PIGV: variants seen among roughly 807,000 people sequenced by gnomAD.
The protein encoded by PIGV is phosphatidylinositol glycan anchor biosynthesis class V, also known as GPI alpha-1,6-mannosyltransferase 2.
A neutral mutation model predicts 39.2 loss-of-function variants in PIGV; 27 were observed. The ratio of observed to expected loss-of-function variants is 0.69; its 90% CI spans 0.51 to 0.95. The LOEUF is 0.95. PIGV is among the 40% of genes least tolerant of loss of function. PIGV has a pLI of 0.00. For missense variants in PIGV, 523 were observed against 586.4 expected (o/e 0.89, Z 1.12); for synonymous variants, 232 against 241.7 (o/e 0.96, Z 0.37).
chr1:26,794,402 A>G lies in PIGV; in HGVS notation c.368A>G (p.Asn123Ser), dbSNP rs1267164610. ...CTGCTGATTTCGGTAGCATCACTCA[A>G]TTTCTTGTTCTTCATGTTGGCTGCA... ...SCLLISVASL[N>S]FLFFMLAAVA... Residue 123 changes from asparagine (N) to serine (S), a missense_variant, in exon 3 of 4, where the codon AAT becomes AGT. Asn to Ser is a conservative substitution (Grantham distance 46). Transcript: ENST00000674202. The G allele has an allele frequency of 1.2e-6, 2 of 1,614,074 alleles. No homozygotes were observed. Among genetic ancestry groups the G allele is most frequent in the Admixed American group, 1.7e-5 (1 of 60,024 alleles).
intron 2 of PIGV, among the ~76,000 whole-genome samples, chr1:26,791,347 A>G (rs115933020): frequency 0.011 from 1,613 of 152,254 alleles, 33 homozygotes; most frequent in African/African-American, 0.036. Flanking sequence ...CCATCTGGAT[A>G]TGTAATAGTT....
rs369730384 is a variant in PIGV at position 26,790,189 on chromosome 1, T to C, written c.-57-570T>C. On this transcript the variant is annotated intron_variant, in intron 1 of 3. Transcript: ENST00000674202. Reference sequence around the variant, plus strand: ...CACACATCAGAGAGCTAAGCTAGAGTGTGGAGTCATTATGGTCTTCTAGTA... The same window carrying C: ...CACACATCAGAGAGCTAAGCTAGAGCGTGGAGTCATTATGGTCTTCTAGTA... 1.6e-4 allele frequency among the ~76,000 whole-genome samples: 24 copies of C among 152,150 alleles called. No homozygotes were observed. In the South Asian group the frequency reaches 2.5e-3, roughly 16 times the overall value.
chr1:26,798,887 GT>G lies in PIGV; in HGVS notation c.*1047del, dbSNP rs1464065290. ...TTTACCAGCCATGTGACTTGGGAGAGTTTTCAGAACCTTAGTTACCACCTCT... is the reference window on the plus strand; with the variant it reads ...TTTACCAGCCATGTGACTTGGGAGAGTTTCAGAACCTTAGTTACCACCTCT... On this transcript the variant is annotated 3_prime_UTR_variant, in exon 4 of 4. Coordinates refer to ENST00000674202, the MANE Select transcript of PIGV (RefSeq NM_017837.4). Among the ~76,000 whole-genome samples, 1 of 152,164 alleles carries G rather than the reference GT, an allele frequency of 6.6e-6. No individual in the cohort carries two copies. The highest frequency in any genetic ancestry group is 1.5e-5 in the Non-Finnish European group (1 of 68,034).
At chr1:26,796,516 T>A (rs945226976) in intron 3 of PIGV, among the ~76,000 whole-genome samples, 1 of 151,984 alleles carries the variant, frequency 6.6e-6, no homozygotes, top group Non-Finnish European at 1.5e-5. Context: ...GGCGAAGAAG[T>A]AGGTAACTCA....
chr1:26,790,108 C>T (rs1475068647), intron 1 of PIGV, among the ~76,000 whole-genome samples: 2 of 152,220 alleles, frequency 1.3e-5, no homozygotes, highest in Non-Finnish European at 2.9e-5. Flanking sequence ...TGGCTGAGGT[C>T]CTGCTGAGTG....
At position 26,794,591 on chromosome 1, in the gene PIGV, G is replaced by A. The variant is rs1340002703; in HGVS notation, c.557G>A (p.Arg186Lys). 2 of 1,614,134 alleles carry A rather than the reference G, an allele frequency of 1.2e-6. No individual in the cohort carries two copies. Among genetic ancestry groups the A allele is most frequent in the Non-Finnish European group, 1.7e-6 (2 of 1,180,056 alleles). ...LTFSAMGQLE[R>K]GRVWTSVLLF... ...TTCAGTGCCATGGGGCAGCTGGAGAGGGGCCGAGTCTGGACTAGTGTACTC... is the reference window on the plus strand; with the variant it reads ...TTCAGTGCCATGGGGCAGCTGGAGAAGGGCCGAGTCTGGACTAGTGTACTC... The change falls in exon 3 of 4, where the codon AGG becomes AAG. Residue 186 changes from arginine (R) to lysine (K), a missense_variant. By Grantham distance (26) the Arg-to-Lys change is conservative. Transcript: ENST00000674202.
Position 26,795,101 on chromosome 1 carries a change from T to G in PIGV, c.1067T>G (p.Leu356Arg), listed in dbSNP as rs988022455. The change falls in exon 3 of 4, where the codon CTT becomes CGT. Residue 356 changes from leucine (L) to arginine (R), a missense_variant. Transcript: ENST00000674202. Reference protein sequence around the residue: ...VTTHPWLCLTLGLQRSKNNKT... With the variant: ...VTTHPWLCLTRGLQRSKNNKT... ...ACTCACCCTTGGCTCTGCCTTACAC[T>G]TGGGCTGCAAAGGAGCAAGAACAAT... The G allele has an allele frequency of 8.1e-6, 13 of 1,614,018 alleles. No individual in the cohort carries two copies. In the African/African-American group the frequency reaches 1.5e-4, roughly 18 times the overall value.
intron 2 of PIGV, among the ~76,000 whole-genome samples, chr1:26,793,542 G>T (rs745782259): frequency 1.2e-4 from 19 of 152,024 alleles, no homozygotes; most frequent in Non-Finnish European, 2.6e-4. Flanking sequence ...CTTTATTGCT[G>T]GATTTTCATC....
In PIGV at chr1:26,792,774, G is replaced by T. The variant is rs1057188608; in HGVS notation, c.79-1339G>T. On this transcript the variant is annotated intron_variant, in intron 2 of 3. Coordinates refer to ENST00000674202, the MANE Select transcript of PIGV (RefSeq NM_017837.4). ...CTAATCCTTGACGGTTTTGGCTCCT[G>T]GTTCACTGTCACTCTTCCCAGCACT... 2.0e-5 allele frequency among the ~76,000 whole-genome samples: 3 copies of T among 152,270 alleles called. No individual in the cohort carries two copies. In the South Asian group the frequency reaches 6.2e-4, roughly 32 times the overall value.
intron 1 of PIGV, among the ~76,000 whole-genome samples, chr1:26,789,908 G>C (rs2081288955): frequency 1.3e-5 from 2 of 152,122 alleles, no homozygotes; most frequent in Non-Finnish European, 1.5e-5. Context: ...AAGTTCTTGA[G>C]GAGCCTTTAT....
Position 26,799,180 on chromosome 1 carries a change from G to A in PIGV, c.*1336G>A, listed in dbSNP as rs538005679. ...TCTTTCCTTTCAATGAGGGAAAGCA[G>A]TAACATCTGGCAGATAAGGTGCCTG... On this transcript the variant is annotated 3_prime_UTR_variant, in exon 4 of 4. Coordinates refer to ENST00000674202, the MANE Select transcript of PIGV (RefSeq NM_017837.4). Among the ~76,000 whole-genome samples the A allele has an allele frequency of 2.0e-4, 30 of 152,320 alleles. No homozygotes were observed. Among genetic ancestry groups the A allele is most frequent in the African/African-American group, 6.7e-4 (28 of 41,562 alleles).
At position 26,795,327 on chromosome 1, in the gene PIGV, T is replaced by G. The variant is rs929319448; in HGVS notation, c.1200+93T>G. The G allele has an allele frequency of 2.0e-5, 28 of 1,377,144 alleles. No individual in the cohort carries two copies. In the African/African-American group the frequency reaches 2.4e-4, roughly 12 times the overall value. 85.3% of individuals were successfully genotyped at this position (1,377,144 alleles called of 1,614,324 possible). ...AGGCAGCTAACATCTCCCGTTTGAG[T>G]GATCCATACTGAATTTATTCATTCA... is the stretch of plus-strand genomic sequence containing the variant. On this transcript the variant is annotated intron_variant, in intron 3 of 3. Transcript: ENST00000674202.
rs761952861 is a variant in PIGV, at chr1:26,795,180, C to T, written c.1146C>T (p.Tyr382=). ...TCCTCAGTCCTCAGGTGTTTGTGTA[C>T]GTGGTCCACGCTGCAGTGCTGCTGC... is the stretch of plus-strand genomic sequence containing the variant. The part of the protein sequence containing the change: ...LGFLSPQVFV[Y]VVHAAVLLLF... Residue 382 remains tyrosine, a synonymous_variant, in exon 3 of 4, where the codon TAC becomes TAT. Transcript: ENST00000674202. The T allele has an allele frequency of 3.1e-6, 5 of 1,613,824 alleles. No homozygotes were observed. The South Asian group carries it at 3.3e-5, about 11-fold the overall frequency.
At position 26,797,601 on chromosome 1, in the gene PIGV, G is replaced by A. The variant is rs1335917148; in HGVS notation, c.1239G>A (p.Met413Ile). The change falls in exon 4 of 4, where the codon ATG becomes ATA. Residue 413 changes from methionine (M) to isoleucine (I), a missense_variant. Transcript: ENST00000674202. ...TTTTGGGCTCCTCCACTCCTATTATGTACTGGTTTCCAGCTCACTTGCTTC... is the reference window on the plus strand; with the variant it reads ...TTTTGGGCTCCTCCACTCCTATTATATACTGGTTTCCAGCTCACTTGCTTC... ...TRFLGSSTPI[M>I]YWFPAHLLQD... is the part of the protein sequence containing the mutation. The A allele has an allele frequency of 2.5e-6, 4 of 1,614,062 alleles. No homozygotes were observed. The highest frequency in any genetic ancestry group is 4.5e-5 in the East Asian group (2 of 44,882).
chr1:26,787,060 A>T (rs906680118), upstream of PIGV, among the ~76,000 whole-genome samples: 35 of 152,184 alleles, frequency 2.3e-4, no homozygotes, highest in Non-Finnish European at 2.8e-4. Flanking sequence ...CTGTGGCCAG[A>T]GGCTAACCCG....
chr1:26,790,391 G>GCTCCCA (rs1371097196), intron 1 of PIGV, among the ~76,000 whole-genome samples: 3 of 151,992 alleles, frequency 2.0e-5, no homozygotes, highest in Admixed American at 6.6e-5. Context: ...AAAAAAGTCT[G>GCTCCCA]CTCCCATTTT....
chr1:26,790,986 T>C (rs1323410466), intron 2 of PIGV, 93 bp downstream of exon 2: 2 of 1,056,296 alleles, frequency 1.9e-6, no homozygotes, highest in Non-Finnish European at 2.9e-6. Context: ...ACCTCTCAGG[T>C]GTGCCCCTCC....
intron 1 of PIGV, 108 bp from the exon 2 acceptor site, chr1:26,790,651 G>A (rs962871488): frequency 6.2e-6 from 4 of 642,976 alleles, no homozygotes; most frequent in Non-Finnish European, 1.1e-5. Flanking sequence ...AAGTTAGGTG[G>A]TTGGTTAAGT....
rs557326758 is a variant in PIGV, at chr1:26,788,029, G to C, written c.-297G>C. 6.6e-6 allele frequency: 1 copy of C among 152,472 alleles called. No individual in the cohort carries two copies. The highest frequency in any genetic ancestry group is 1.9e-4 in the East Asian group (1 of 5,178). The allele number at this position is 152,472 out of a possible 1,614,324, so 9.4% of individuals were successfully genotyped here. ...GGGGAGGTCGGGACGGGCAGGGGCTGAGGACCCCGCGCCAGCTTGGGAGCC... is the reference window on the plus strand; with the variant it reads ...GGGGAGGTCGGGACGGGCAGGGGCTCAGGACCCCGCGCCAGCTTGGGAGCC... On this transcript the variant is annotated 5_prime_UTR_variant, in exon 1 of 4. Coordinates refer to ENST00000674202, the MANE Select transcript of PIGV (RefSeq NM_017837.4).
Sources: gnomAD v4.1 joint callset for allele counts (sites outside exome capture counted in the v4.1 genomes callset) on GRCh38, gnomAD v4.1.1 for gene constraint, MANE v1.5 for transcripts, NCBI Gene and HGNC (gene_info 2026-07-23, HGNC 2026-07-21) for gene names.